Variants in SRBD1 observed in about 807,000 individuals in gnomAD.
The protein encoded by SRBD1 is S1 RNA binding domain 1.
SRBD1 carries 88 observed loss-of-function variants against 115.3 expected under a neutral mutation model. The ratio of observed to expected loss-of-function variants is 0.76; its 90% CI spans 0.64 to 0.91. SRBD1 has a LOEUF of 0.91. Ranked by LOEUF, SRBD1 falls within the 40% of genes least tolerant of loss-of-function variation. The pLI is 0.00. For synonymous variants in SRBD1, 509 were observed against 407.7 expected, an observed-to-expected ratio of 1.25 and a Z score of -2.99; for missense variants, 1,385 against 1,177.4, an observed-to-expected ratio of 1.18 and a Z score of -2.58.
intron 15 of SRBD1, among the ~76,000 whole-genome samples, chr2:45,483,826 T>C (rs970239837): frequency 6.6e-6 from 1 of 152,244 alleles, no homozygotes; most frequent in South Asian, 2.1e-4. Flanking sequence ...TAGAAGTCGA[T>C]GCAAATCTAC....
intron 19 of SRBD1, among the ~76,000 whole-genome samples, chr2:45,398,069 G>A (rs895100990): frequency 6.6e-6 from 1 of 152,122 alleles, no homozygotes; most frequent in African/African-American, 2.4e-5. Flanking sequence ...GATATCTAGT[G>A]AAAATAATAT....
chr2:45,611,006 A>C (rs1404695219), intron 1 of SRBD1, among the ~76,000 whole-genome samples: 2 of 151,930 alleles, frequency 1.3e-5, no homozygotes, highest in African/African-American at 4.8e-5. Flanking sequence ...GGCTGAAAAG[A>C]GGTGTCACGA....
intron 18 of SRBD1, among the ~76,000 whole-genome samples, chr2:45,416,269 TA>T (rs35509335): frequency 6.9e-5 from 9 of 130,676 alleles, no homozygotes; most frequent in Admixed American, 1.4e-4. Flanking sequence ...GTATAAAAAT[TA>T]AAAAAAACAG....
chr2:45,462,516 T>C (rs1163742130), intron 16 of SRBD1, among the ~76,000 whole-genome samples: 3 of 152,160 alleles, frequency 2.0e-5, no homozygotes, highest in African/African-American at 7.2e-5. Context: ...TATACACTTT[T>C]TAATAATACA....
intron 4 of SRBD1, among the ~76,000 whole-genome samples, chr2:45,586,240 C>T (rs1018938201): frequency 6.6e-6 from 1 of 152,128 alleles, no homozygotes; most frequent in Admixed American, 6.5e-5. Context: ...ATAACATATA[C>T]ATGCCTCTAG....
At chr2:45,493,818 A>T (rs1190659343) in intron 14 of SRBD1, among the ~76,000 whole-genome samples, 1 of 152,000 alleles carries the variant, frequency 6.6e-6, no homozygotes, top group African/African-American at 2.4e-5. Flanking sequence ...ACTCAAAAAA[A>T]AAAAAAAATA....
intron 16 of SRBD1, among the ~76,000 whole-genome samples, chr2:45,423,143 A>G (rs1465200610): frequency 6.6e-6 from 1 of 152,334 alleles, no homozygotes; most frequent in East Asian, 1.9e-4. Context: ...TGTTGTTGGT[A>G]ATGATATTCT....
At chr2:45,421,211 A>G (rs1667988883) in intron 16 of SRBD1, among the ~76,000 whole-genome samples, 1 of 152,122 alleles carries the variant, frequency 6.6e-6, no homozygotes, top group Non-Finnish European at 1.5e-5. Flanking sequence ...CAGAGGTATT[A>G]AAATGTCAGA....
chr2:45,559,078 CT>C (rs754195440), intron 10 of SRBD1, among the ~76,000 whole-genome samples: 2 of 152,110 alleles, frequency 1.3e-5, no homozygotes, highest in African/African-American at 2.4e-5. Flanking sequence ...TGTCCTGCCC[CT>C]GTCTACCTCC....
intron 14 of SRBD1, among the ~76,000 whole-genome samples, chr2:45,511,680 T>C (rs1229534648): frequency 6.6e-6 from 1 of 152,224 alleles, no homozygotes; most frequent in Non-Finnish European, 1.5e-5. Flanking sequence ...TTCAATGGTA[T>C]ATATTCCCAT....
chr2:45,541,486 G>C (rs865800255), intron 14 of SRBD1, among the ~76,000 whole-genome samples: 18 of 152,236 alleles, frequency 1.2e-4, no homozygotes, highest in Admixed American at 4.6e-4. Flanking sequence ...TGTCCAAGAA[G>C]AATGAGGTAT....
intron 16 of SRBD1, among the ~76,000 whole-genome samples, chr2:45,443,876 T>G (rs951700987): frequency 5.3e-5 from 8 of 151,990 alleles, no homozygotes; most frequent in African/African-American, 1.9e-4. Context: ...AGATTTTTTC[T>G]TACGCATATC....
At chr2:45,600,232 T>A (rs566157974) in intron 3 of SRBD1, among the ~76,000 whole-genome samples, 142 of 152,140 alleles carry the variant, frequency 9.3e-4, no homozygotes, top group African/African-American at 3.2e-3. Context: ...ACTGGAGAAA[T>A]CTAAATAAGA....
chr2:45,585,462 G>T, intron 5 of SRBD1, 146 bp downstream of exon 5: 3 of 840,556 alleles, frequency 3.6e-6, no homozygotes, highest in Non-Finnish European at 5.3e-6. Flanking sequence ...CCATACACTC[G>T]CTAAATAAAG....
At chr2:45,507,183 G>C (rs1319455319) in intron 14 of SRBD1, among the ~76,000 whole-genome samples, 1 of 152,090 alleles carries the variant, frequency 6.6e-6, no homozygotes, top group Non-Finnish European at 1.5e-5. Context: ...ATCAGACTTG[G>C]TATGTATCTC....
chr2:45,526,936 C>G (rs1025705436), intron 14 of SRBD1, among the ~76,000 whole-genome samples: 1 of 151,762 alleles, frequency 6.6e-6, no homozygotes, highest in African/African-American at 2.4e-5. Context: ...AAGGGACAGC[C>G]AGGGACTTCA....
At chr2:45,405,524 G>C (rs903770278) in intron 19 of SRBD1, among the ~76,000 whole-genome samples, 1 of 152,300 alleles carries the variant, frequency 6.6e-6, no homozygotes. Context: ...AACTAGGGAT[G>C]TTAAGACATA....
At chr2:45,393,224 C>T in intron 19 of SRBD1, 95 bp from the exon 20 acceptor site, 1 of 1,241,726 alleles carries the variant, frequency 8.1e-7, no homozygotes, top group Non-Finnish European at 1.1e-6. Flanking sequence ...TCATCTTAGA[C>T]CCATAGGTCA....
intron 9 of SRBD1, among the ~76,000 whole-genome samples, chr2:45,565,720 C>T (rs1375622639): frequency 1.3e-5 from 2 of 152,152 alleles, no homozygotes; most frequent in African/African-American, 4.8e-5. Flanking sequence ...AATCATATGT[C>T]ACATAAGGGT....
Sources: allele counts gnomAD v4.1 joint callset (sites outside exome capture counted in the v4.1 genomes callset), GRCh38; gene constraint gnomAD v4.1.1; transcripts MANE v1.5; gene names NCBI Gene and HGNC (gene_info 2026-07-23, HGNC 2026-07-21).